Variants in NTSR1 observed in about 807,000 individuals in gnomAD.
NTSR1 encodes the protein neurotensin receptor type 1.
A neutral mutation model predicts 31.2 loss-of-function variants in NTSR1; 29 were observed. That is an observed-to-expected ratio of 0.93 (90% confidence interval 0.69 to 1.27). The LOEUF (loss-of-function observed/expected upper bound fraction) is 1.27, where lower values mean the gene tolerates loss of function less well. Ranked by LOEUF, NTSR1 falls within the 50% of genes most tolerant of loss-of-function variation. The pLI is 0.00. For synonymous variants in NTSR1, 282 were observed against 269.9 expected (o/e 1.04, Z -0.44); for missense variants, 697 against 595.4 (o/e 1.17, Z -1.78).
rs1989227435 is a variant in NTSR1, at chr20:62,742,796, T to G, written c.715-11889T>G. 6.7e-6 allele frequency among the ~76,000 whole-genome samples: 1 copy of G among 149,154 alleles called. No individual in the cohort carries two copies. The highest frequency in any genetic ancestry group is 1.5e-5 in the Non-Finnish European group (1 of 67,970). ...GCTCTCTTGGCCCTGGCACCCCACC[T>G]CTGGCATGGGGAGCAGAGACCCACC... On this transcript the variant is annotated intron_variant, in intron 1 of 3. Transcript: ENST00000370501. The surrounding 1 kb of genome is among the most constrained non-coding windows in gnomAD (Gnocchi z 7.1).
chr20:62,760,029 A>T lies in NTSR1; in HGVS notation c.1019A>T (p.Asp340Val), dbSNP rs775776512. The change falls in exon 4 of 4, where the codon GAC (aspartate) becomes GTC (valine). Residue 340 changes from aspartate (D) to valine (V), a missense_variant. Physicochemically the swap from Asp to Val is radical, Grantham distance 152 (BLOSUM62 -3). Coordinates refer to ENST00000370501, the MANE Select transcript of NTSR1 (RefSeq NM_002531.3). The part of the protein sequence containing the change: ...SDEQWTPFLY[D>V]FYHYFYMVTN... ...CTCTCTCCCCGCAGGTTCCTCTATG[A>T]CTTCTACCACTACTTCTACATGGTG... The T allele has an allele frequency of 6.2e-7, 1 of 1,613,722 alleles. No homozygotes were observed. The highest frequency in any genetic ancestry group is 1.7e-5 in the Admixed American group (1 of 60,004).
At position 62,760,624 on chromosome 20, in the gene NTSR1, A is replaced by C; in HGVS notation, c.*357A>C. On this transcript the variant is annotated 3_prime_UTR_variant, in exon 4 of 4. Coordinates refer to ENST00000370501, the MANE Select transcript of NTSR1 (RefSeq NM_002531.3). ...GGATGGTTCCAGAGAAGGAAATGAA[A>C]GGTGCTGGGTGGGGCCGGGCCTCCG... 9.3e-5 allele frequency: 19 copies of C among 204,346 alleles called. No homozygotes were observed. Among genetic ancestry groups the C allele is most frequent in the Non-Finnish European group, 1.4e-4 (14 of 99,686 alleles). 12.7% of individuals were successfully genotyped at this position (204,346 alleles called of 1,614,324 possible).
intron 2 of NTSR1, 92 bp downstream of exon 2, chr20:62,754,978 TA>T: frequency 7.8e-7 from 1 of 1,284,156 alleles, no homozygotes; most frequent in Non-Finnish European, 1.1e-6. Context: ...GGGCAAGGTT[TA>T]AAGACATAGG....
At chr20:62,728,360 G>A (rs984044266) in intron 1 of NTSR1, among the ~76,000 whole-genome samples, 12 of 152,150 alleles carry the variant, frequency 7.9e-5, no homozygotes, top group South Asian at 2.1e-4. Context: ...CAGTGTGTGC[G>A]GCAGCCCCAC....
At chr20:62,740,590 G>A (rs1034029524) in intron 1 of NTSR1, among the ~76,000 whole-genome samples, 1 of 152,214 alleles carries the variant, frequency 6.6e-6, no homozygotes, top group Non-Finnish European at 1.5e-5. Context: ...CCAGAGCTGT[G>A]GACTCGAGCC....
At chr20:62,757,059 G>C (rs990617488) in intron 2 of NTSR1, among the ~76,000 whole-genome samples, 1 of 152,146 alleles carries the variant, frequency 6.6e-6, no homozygotes, top group African/African-American at 2.4e-5. Context: ...GGCATCCTTT[G>C]ATACACAGAA....
At chr20:62,759,173 G>A (rs919026132) in intron 3 of NTSR1, among the ~76,000 whole-genome samples, 39 of 152,184 alleles carry the variant, frequency 2.6e-4, no homozygotes, top group South Asian at 2.1e-4. Context: ...GCGCACCTAC[G>A]ACCAATGAGG....
At chr20:62,755,003 G>T in intron 2 of NTSR1, 117 bp downstream of exon 2, 1 of 1,040,898 alleles carries the variant, frequency 9.6e-7, no homozygotes, top group Non-Finnish European at 1.4e-6. Flanking sequence ...GGAGCTGTCA[G>T]GCCAAGACCC....
intron 1 of NTSR1, among the ~76,000 whole-genome samples, chr20:62,725,693 G>T (rs754720615): frequency 2.6e-5 from 4 of 152,188 alleles, no homozygotes; most frequent in Non-Finnish European, 5.9e-5. Flanking sequence ...GGGAGGTTCA[G>T]GTGGGCACAG....
intron 1 of NTSR1, among the ~76,000 whole-genome samples, chr20:62,754,017 G>A (rs923503509): frequency 5.3e-5 from 8 of 152,238 alleles, no homozygotes; most frequent in Admixed American, 3.3e-4. Context: ...CTTTGGGCAG[G>A]ACCTCTACCC....
At chr20:62,739,822 C>A (rs1003160634) in intron 1 of NTSR1, among the ~76,000 whole-genome samples, 1 of 152,260 alleles carries the variant, frequency 6.6e-6, no homozygotes, top group Non-Finnish European at 1.5e-5. Context: ...GGAGGTGCAG[C>A]GGCCGGCGAC....
rs1395823861 is a variant in NTSR1 at position 62,758,518 on chromosome 20, G to A, written c.1007+162G>A. The stretch of plus-strand genomic sequence containing the variant: ...GGTTGTGCTGTGACTGGGGCCGGGA[G>A]AAGGCCATGGAGGGACAGGTTCAAG... On this transcript the variant is annotated intron_variant, in intron 3 of 3. Transcript: ENST00000370501. This position sits in a 1 kb window ranked among gnomAD's most constrained non-coding sequence, Gnocchi z 4.5. Among the ~76,000 whole-genome samples, 2 of 152,192 alleles carry A rather than the reference G, an allele frequency of 1.3e-5. No homozygotes were observed. Among genetic ancestry groups the A allele is most frequent in the African/African-American group, 4.8e-5 (2 of 41,438 alleles).
At chr20:62,726,579 C>A (rs1216842023) in intron 1 of NTSR1, among the ~76,000 whole-genome samples, 8 of 152,132 alleles carry the variant, frequency 5.3e-5, no homozygotes, top group Admixed American at 1.3e-4. Context: ...GTGCCTGTGG[C>A]CCCTGCCTGG....
rs747994870 is a variant in NTSR1, at chr20:62,709,874, G to A, written c.667G>A (p.Val223Met). 6.2e-7 allele frequency: 1 copy of A among 1,606,460 alleles called. No individual in the cohort carries two copies. The highest frequency in any genetic ancestry group is 1.3e-5 in the African/African-American group (1 of 74,882). The change falls in exon 1 of 4, where the codon GTG (valine) becomes ATG (methionine). Residue 223 changes from valine (V) to methionine (M), a missense_variant. Transcript: ENST00000370501. ...SADGQHAGGLVCTPTIHTATV... is the reference protein window; with the variant it reads ...SADGQHAGGLMCTPTIHTATV... ...CGACGGCCAGCACGCCGGCGGCCTG[G>A]TGTGCACCCCCACCATCCACACTGC...
rs921879789 is a variant in NTSR1 at position 62,740,531 on chromosome 20, C to T, written c.715-14154C>T. ...TGAGCGGGAGACAGATCTTACAAGC[C>T]GTGCAGGCGGGAGGGAAAAGGGTTG... On this transcript the variant is annotated intron_variant, in intron 1 of 3. Coordinates refer to ENST00000370501, the MANE Select transcript of NTSR1 (RefSeq NM_002531.3). Among the ~76,000 whole-genome samples the T allele has an allele frequency of 3.3e-5, 5 of 152,218 alleles. No individual in the cohort carries two copies. The East Asian group carries it at 5.8e-4, about 18-fold the overall frequency.
chr20:62,710,055 TGGGGCAGCTTG>T, intron 1 of NTSR1, 134 bp downstream of exon 1: 1 of 742,200 alleles, frequency 1.3e-6, no homozygotes, highest in South Asian at 2.0e-5. Flanking sequence ...GGAAGGCGGT[TGGGGCAGCTTG>T]GGGGCAGCTC....
Position 62,711,125 on chromosome 20 carries a change from GC to G in NTSR1, c.714+1206del, listed in dbSNP as rs748604812. ...CTGGGCCCTAACTGACCCTCCACTG[GC>G]CACCACCCAGGTGGGCTGGGGGGTG... On this transcript the variant is annotated intron_variant, in intron 1 of 3. Transcript: ENST00000370501. This position sits in a 1 kb window ranked among gnomAD's most constrained non-coding sequence, Gnocchi z 6.4. Among the ~76,000 whole-genome samples, 40 of 152,276 alleles carry G rather than the reference GC, an allele frequency of 2.6e-4. No homozygotes were observed. The highest frequency in any genetic ancestry group is 4.3e-4 in the Non-Finnish European group (29 of 68,002).
At chr20:62,728,001 G>T (rs1235976181) in intron 1 of NTSR1, among the ~76,000 whole-genome samples, 1 of 152,260 alleles carries the variant, frequency 6.6e-6, no homozygotes, top group African/African-American at 2.4e-5. Context: ...GGCTGCCCCA[G>T]GCCCACGGTG....
At chr20:62,729,392 G>A (rs928916197) in intron 1 of NTSR1, among the ~76,000 whole-genome samples, 2 of 152,232 alleles carry the variant, frequency 1.3e-5, no homozygotes, top group African/African-American at 2.4e-5. Context: ...TGGAGCGGGG[G>A]CAGTCCTCAG....
Sources: gnomAD v4.1 joint callset for allele counts (sites outside exome capture counted in the v4.1 genomes callset) on GRCh38, gnomAD v4.1.1 for gene constraint, Gnocchi (gnomAD v3.1) non-coding constraint, MANE v1.5 for transcripts, NCBI Gene and HGNC (gene_info 2026-07-23, HGNC 2026-07-21) for gene names.